Variants in ZC3H13 observed in about 807,000 individuals in gnomAD.
The protein encoded by ZC3H13 is zinc finger CCCH-type containing 13, also known as zinc finger CCCH domain-containing protein 13.
A neutral mutation model predicts 204.1 loss-of-function variants in ZC3H13; 64 were observed. The observed-to-expected ratio is 0.31, with a 90% CI of 0.26 to 0.39. ZC3H13 has a LOEUF of 0.39. Ranked by LOEUF, ZC3H13 falls within the 10% of genes least tolerant of loss-of-function variation. The pLI is 1.00. For missense variants in ZC3H13, 1,833 were observed against 2,082.7 expected, an observed-to-expected ratio of 0.88 and a Z score of 2.33; for synonymous variants, 667 against 693.7, an observed-to-expected ratio of 0.96 and a Z score of 0.60.
chr13:46,030,028 C>G (rs2042794398), intron 4 of ZC3H13, among the ~76,000 whole-genome samples: 1 of 152,036 alleles, frequency 6.6e-6, no homozygotes, highest in Non-Finnish European at 1.5e-5. Flanking sequence ...AATGTATATA[C>G]CACAACCAAG....
At chr13:45,961,085 G>A (rs577850133) in intron 17 of ZC3H13, among the ~76,000 whole-genome samples, 4 of 152,152 alleles carry the variant, frequency 2.6e-5, no homozygotes, top group Non-Finnish European at 5.9e-5. Context: ...TTTGCAGAAT[G>A]AGAATCACCA....
chr13:46,022,500 T>A (rs1022108535), intron 4 of ZC3H13, among the ~76,000 whole-genome samples: 14 of 151,980 alleles, frequency 9.2e-5, no homozygotes, highest in African/African-American at 3.1e-4. Flanking sequence ...ACTCGTCCAA[T>A]GTAGTGTAGC....
At chr13:45,963,315 A>C in intron 17 of ZC3H13, 1 of 986,534 alleles carries the variant, frequency 1.0e-6, no homozygotes, top group Non-Finnish European at 1.2e-6. Context: ...CTGCCAAAAT[A>C]CCCAATTTCT....
chr13:45,990,232 T>C (rs895855738), intron 8 of ZC3H13, among the ~76,000 whole-genome samples: 4 of 152,024 alleles, frequency 2.6e-5, no homozygotes, highest in African/African-American at 9.7e-5. Flanking sequence ...GTTATGACAA[T>C]AAAAAATTAC....
intron 8 of ZC3H13, 41 bp from the exon 9 acceptor site, chr13:45,989,138 GC>G: frequency 6.4e-7 from 1 of 1,556,318 alleles, no homozygotes; most frequent in Non-Finnish European, 8.7e-7. Flanking sequence ...GTATTCAAGA[GC>G]TTCATTTCTA....
intron 4 of ZC3H13, among the ~76,000 whole-genome samples, chr13:46,041,350 A>G (rs1358336117): frequency 1.3e-5 from 2 of 152,160 alleles, no homozygotes; most frequent in Admixed American, 1.3e-4. Context: ...TTATTATTCC[A>G]TTTATATGAA....
chr13:45,977,270 A>C lies in ZC3H13; in HGVS notation c.1913-1432T>G, dbSNP rs1167266517. Among the ~76,000 whole-genome samples the C allele has an allele frequency of 1.3e-5, 2 of 152,146 alleles. 1 individual carries two copies. The highest frequency in any genetic ancestry group is 6.3e-3 in the Middle Eastern group (2 of 316). On this transcript the variant is annotated intron_variant, in intron 11 of 18. Coordinates refer to ENST00000679008, the MANE Select transcript of ZC3H13 (RefSeq NM_001330564.2). ...ATTGTCTGAATTCCTGGTTTGGAGG[A>C]GTCATACCAACATCATAATCATTAC...
rs1188725379 is a variant in ZC3H13 at position 45,975,887 on chromosome 13, A to G, written c.1913-49T>C. On this transcript the variant is annotated intron_variant, in intron 11 of 18. Transcript: ENST00000679008. ...CAGTGATTAATTTGACAGATAACCT[A>G]TTGGTAAGACAGCATGGTAAATCTT... The G allele has an allele frequency of 1.9e-6, 3 of 1,579,226 alleles. No homozygotes were observed. The African/African-American group carries it at 4.1e-5, about 22-fold the overall frequency.
At chr13:46,052,255 G>T (rs1448628412) in intron 1 of ZC3H13, 149 bp downstream of exon 1, 1 of 331,120 alleles carries the variant, frequency 3.0e-6, no homozygotes, top group Non-Finnish European at 5.4e-6. Flanking sequence ...AGCACAGGGG[G>T]CTATTGCAGA....
intron 8 of ZC3H13, among the ~76,000 whole-genome samples, 194 bp downstream of exon 8, chr13:46,002,945 T>C (rs1006869199): frequency 2.6e-5 from 4 of 152,062 alleles, no homozygotes; most frequent in African/African-American, 9.7e-5. Context: ...GAAAAATAAA[T>C]TGTAAAAATT....
intron 5 of ZC3H13, 50 bp from the exon 6 acceptor site, chr13:46,011,604 C>T (rs2041567230): frequency 2.1e-6 from 3 of 1,427,306 alleles, no homozygotes; most frequent in Non-Finnish European, 1.9e-6. Flanking sequence ...ATTATCTATG[C>T]CAAAAATCAT....
chr13:46,044,294 G>C (rs530553982), intron 3 of ZC3H13, among the ~76,000 whole-genome samples: 1 of 151,594 alleles, frequency 6.6e-6, no homozygotes, highest in Non-Finnish European at 1.5e-5. Flanking sequence ...TACCAATCAA[G>C]TTAAAACTGT....
At chr13:45,989,458 T>C (rs2039809995) in intron 8 of ZC3H13, among the ~76,000 whole-genome samples, 1 of 152,166 alleles carries the variant, frequency 6.6e-6, no homozygotes, top group African/African-American at 2.4e-5. Context: ...CCACAAACTA[T>C]GGCAAAACAT....
In ZC3H13 at chr13:45,970,613, A is replaced by G. The variant is rs1952506932; in HGVS notation, c.2469-148T>C. On this transcript the variant is annotated intron_variant, in intron 12 of 18. Coordinates refer to ENST00000679008, the MANE Select transcript of ZC3H13 (RefSeq NM_001330564.2). ...AGAGTGTATCATACAAAGGATATTCAGTGTCTTTAATACAAATTCTTTACT... is the reference window on the plus strand; with the variant it reads ...AGAGTGTATCATACAAAGGATATTCGGTGTCTTTAATACAAATTCTTTACT... 3 of 587,898 alleles carry G rather than the reference A, an allele frequency of 5.1e-6. No individual in the cohort carries two copies. In the East Asian group the frequency reaches 8.5e-5, roughly 17 times the overall value. The allele number at this position is 587,898 out of a possible 1,614,324, so 36.4% of individuals were successfully genotyped here.
chr13:46,000,701 C>T (rs1343331316), intron 8 of ZC3H13, among the ~76,000 whole-genome samples: 2 of 152,188 alleles, frequency 1.3e-5, no homozygotes, highest in South Asian at 2.1e-4. Context: ...TGGAGTAGCA[C>T]TTTAAATTTC....
intron 4 of ZC3H13, among the ~76,000 whole-genome samples, chr13:46,037,149 A>C (rs753563348): frequency 1.1e-3 from 164 of 152,366 alleles, no homozygotes; most frequent in Non-Finnish European, 1.9e-3. Context: ...GTGTAAATGT[A>C]CTTAATGCCA....
intron 7 of ZC3H13, among the ~76,000 whole-genome samples, chr13:46,008,894 G>A (rs1331380065): frequency 6.6e-6 from 1 of 152,098 alleles, no homozygotes; most frequent in Non-Finnish European, 1.5e-5. Context: ...GCAATATGAG[G>A]GAGAGGATCA....
chr13:45,980,100 T>C (rs1953426499), intron 10 of ZC3H13, 96 bp from the exon 11 acceptor site: 8 of 1,022,384 alleles, frequency 7.8e-6, no homozygotes, highest in Non-Finnish European at 1.1e-5. Flanking sequence ...CACTAATATA[T>C]ATATTTAATA....
Position 45,965,425 on chromosome 13 carries a change from A to G in ZC3H13, c.4329T>C (p.Asp1443=), listed in dbSNP as rs181645615. 6.2e-7 allele frequency: 1 copy of G among 1,612,690 alleles called. No homozygotes were observed. Among genetic ancestry groups the G allele is most frequent in the Non-Finnish European group, 8.5e-7 (1 of 1,179,380 alleles). Residue 1443 remains aspartate (D), a synonymous_variant, in exon 16 of 19, where the codon GAT becomes GAC. Transcript: ENST00000679008. ...GTGCATCATCTAACTTGGACTCGTCATCTCCTGCTAAATAGACAAATTAAT... is the reference window on the plus strand; with the variant it reads ...GTGCATCATCTAACTTGGACTCGTCGTCTCCTGCTAAATAGACAAATTAAT... ...SERTESLEAG[D]DESKLDDAHS... is the part of the protein sequence containing the mutation.
Sources: allele counts gnomAD v4.1 joint callset (sites outside exome capture counted in the v4.1 genomes callset), GRCh38; gene constraint gnomAD v4.1.1; transcripts MANE v1.5; gene names NCBI Gene and HGNC (gene_info 2026-07-23, HGNC 2026-07-21).